PRDM10: variants seen among roughly 807,000 people sequenced by gnomAD.
PRDM10 encodes PR/SET domain 10.
A neutral mutation model predicts 133.1 loss-of-function variants in PRDM10; 65 were observed. The observed-to-expected ratio is 0.49, with a 90% CI of 0.40 to 0.60. The LOEUF is 0.60. Ranked by LOEUF, PRDM10 falls within the 20% of genes least tolerant of loss-of-function variation. The probability of loss-of-function intolerance (pLI) is 0.00; values close to 1 mark genes in which losing one functional copy is unlikely to be tolerated. For missense variants in PRDM10, 1,137 were observed against 1,507.1 expected, an observed-to-expected ratio of 0.75 and a Z score of 4.07; for synonymous variants, 582 against 580.4, an observed-to-expected ratio of 1.00 and a Z score of -0.04.
rs533784900 is a variant in PRDM10 at position 129,999,847 on chromosome 11, T to C, written c.-119+2875A>G. 6.2e-4 allele frequency among the ~76,000 whole-genome samples: 94 copies of C among 152,300 alleles called. 1 individual carries two copies. Among genetic ancestry groups the C allele is most frequent in the African/African-American group, 2.2e-3 (93 of 41,580 alleles). ...TGCCCCCTTCAAATAATGGAAGTAA[T>C]GAAAGTGCCCAATCATCAGCAAAGT... is the stretch of plus-strand genomic sequence containing the variant. On this transcript the variant is annotated intron_variant, in intron 1 of 20. Coordinates refer to ENST00000360871, the MANE Select transcript of PRDM10 (RefSeq NM_199437.2).
At chr11:129,911,028 G>A (rs557684772) in intron 18 of PRDM10, among the ~76,000 whole-genome samples, 2 of 152,232 alleles carry the variant, frequency 1.3e-5, no homozygotes, top group Admixed American at 6.5e-5. Flanking sequence ...CACCCGCCTC[G>A]GCCTCCCAAA....
chr11:129,998,041 T>C (rs1939152117), intron 1 of PRDM10, among the ~76,000 whole-genome samples: 1 of 152,152 alleles, frequency 6.6e-6, no homozygotes, highest in African/African-American at 2.4e-5. Flanking sequence ...CATACATAAT[T>C]TAAAATGTTC....
At chr11:129,912,319 T>A (rs1172699480) in intron 17 of PRDM10, 94 bp from the exon 18 acceptor site, 1 of 1,310,870 alleles carries the variant, frequency 7.6e-7, no homozygotes, top group Non-Finnish European at 1.0e-6. Flanking sequence ...AAAAACAATA[T>A]CCTGGCCGGG....
intron 1 of PRDM10, among the ~76,000 whole-genome samples, chr11:129,971,928 G>A (rs1952036829): frequency 6.6e-6 from 1 of 152,224 alleles, no homozygotes; most frequent in Non-Finnish European, 1.5e-5. Context: ...AACCCACGGA[G>A]GGGGTGGGAG....
rs1350193829 is a variant in PRDM10 at position 129,923,911 on chromosome 11, A to G, written c.1879-508T>C. 6.6e-6 allele frequency among the ~76,000 whole-genome samples: 1 copy of G among 152,254 alleles called. No homozygotes were observed. Among genetic ancestry groups the G allele is most frequent in the Non-Finnish European group, 1.5e-5 (1 of 68,048 alleles). ...TTATAAAATTAAGTTCTGAAGAATTAAAGACATGAATGAGTGGATACAGAA... is the reference window on the plus strand; with the variant it reads ...TTATAAAATTAAGTTCTGAAGAATTGAAGACATGAATGAGTGGATACAGAA... On this transcript the variant is annotated intron_variant, in intron 12 of 20. Coordinates refer to ENST00000360871, the MANE Select transcript of PRDM10 (RefSeq NM_199437.2). The surrounding 1 kb of genome is among the most constrained non-coding windows in gnomAD (Gnocchi z 4.4).
At position 129,914,761 on chromosome 11, in the gene PRDM10, C is replaced by T. The variant is rs75558641; in HGVS notation, c.2784G>A (p.Ser928=). The change falls in exon 17 of 21, where the codon TCG becomes TCA. Residue 928 remains serine, a synonymous_variant. Transcript: ENST00000360871. ...GCTGAGGCTGCTGGAGGCCAGACGC[C>T]GACTGCGACACAGGGATGTACTGAA... ...QRIQYIPVSQ[S]ASGLQQPQHI... 1.7e-3 allele frequency: 2,744 copies of T among 1,614,220 alleles called. 75 individuals are homozygous for T. In the East Asian group the frequency reaches 0.048, roughly 28 times the overall value.
intron 1 of PRDM10, among the ~76,000 whole-genome samples, chr11:129,981,207 A>G (rs778043682): frequency 5.3e-5 from 8 of 152,148 alleles, no homozygotes; most frequent in Non-Finnish European, 1.0e-4. Context: ...AAATGTGTCA[A>G]AATTGTTTGT....
At position 129,957,906 on chromosome 11, in the gene PRDM10, T is replaced by C; in HGVS notation, c.74A>G (p.His25Arg). 1.2e-6 allele frequency: 2 copies of C among 1,610,788 alleles called. No individual in the cohort carries two copies. Among genetic ancestry groups the C allele is most frequent in the Non-Finnish European group, 1.7e-6 (2 of 1,178,118 alleles). The stretch of plus-strand genomic sequence containing the variant: ...CACTGTTCCTGTGTCCGGAACAAAG[T>C]GCACCTGGCATAAACAGGAGACAAA... ...AEHEQNAAQV[H>R]FVPDTGTVAQ... Residue 25 changes from histidine (H) to arginine (R), a missense_variant, in exon 3 of 21, where the codon CAC becomes CGC. His to Arg is a conservative substitution (Grantham distance 29, BLOSUM62 0). Coordinates refer to ENST00000360871, the MANE Select transcript of PRDM10 (RefSeq NM_199437.2).
At chr11:129,957,061 G>A (rs917088443) in intron 3 of PRDM10, among the ~76,000 whole-genome samples, 2 of 152,182 alleles carry the variant, frequency 1.3e-5, no homozygotes, top group Non-Finnish European at 2.9e-5. Flanking sequence ...GTACAGCCTT[G>A]CAAATCAGTA....
At chr11:129,986,011 G>A (rs1938421977) in intron 1 of PRDM10, among the ~76,000 whole-genome samples, 1 of 151,716 alleles carries the variant, frequency 6.6e-6, no homozygotes, top group African/African-American at 2.4e-5. Context: ...CAGAGGTGTT[G>A]GGCTCGTGGT....
intron 8 of PRDM10, among the ~76,000 whole-genome samples, chr11:129,936,495 T>A (rs920008995): frequency 2.0e-5 from 3 of 151,628 alleles, no homozygotes; most frequent in Non-Finnish European, 4.4e-5. Flanking sequence ...CTACCAAAAA[T>A]ACAAAAAATT....
At chr11:129,930,610 A>C (rs188246062) in intron 11 of PRDM10, among the ~76,000 whole-genome samples, 63 of 152,370 alleles carry the variant, frequency 4.1e-4, no homozygotes, top group African/African-American at 1.5e-3. Flanking sequence ...GGGAAGCTGT[A>C]GATAAGCACA....
intron 20 of PRDM10, among the ~76,000 whole-genome samples, chr11:129,903,542 C>A (rs1322109836): frequency 6.6e-6 from 1 of 152,090 alleles, no homozygotes; most frequent in Non-Finnish European, 1.5e-5. Flanking sequence ...GTCTTCGTGA[C>A]GTTCAGCCTG....
chr11:129,932,977 G>A (rs1048609809), intron 9 of PRDM10, among the ~76,000 whole-genome samples: 1 of 152,026 alleles, frequency 6.6e-6, no homozygotes, highest in African/African-American at 2.4e-5. Context: ...CGTGTTGCCT[G>A]GGCTGGTCTG....
At chr11:129,959,046 G>A (rs1487653946) in intron 2 of PRDM10, among the ~76,000 whole-genome samples, 6 of 152,190 alleles carry the variant, frequency 3.9e-5, no homozygotes, top group South Asian at 2.1e-4. Context: ...TGTTGCTATC[G>A]AAGTCACGCA....
chr11:129,931,228 A>G lies in PRDM10; in HGVS notation c.1318T>C (p.Phe440Leu), dbSNP rs1950847217. Residue 440 changes from phenylalanine to leucine, a missense_variant, in exon 11 of 21, where the codon TTT becomes CTT. Phe to Leu is a conservative substitution (Grantham distance 22). Coordinates refer to ENST00000360871, the MANE Select transcript of PRDM10 (RefSeq NM_199437.2). Reference sequence around the variant, plus strand: ...AGAGTGGCTGGTTCAGCCTCATCAAATTGCTCCTTTGTGGGAAAATGTAGC... The same window carrying G: ...AGAGTGGCTGGTTCAGCCTCATCAAGTTGCTCCTTTGTGGGAAAATGTAGC... Reference protein sequence around the residue: ...DLLHFPTKEQFDEAEPATLNG... With the variant: ...DLLHFPTKEQLDEAEPATLNG... 1 of 1,613,982 alleles carries G rather than the reference A, an allele frequency of 6.2e-7. No individual in the cohort carries two copies. The highest frequency in any genetic ancestry group is 8.5e-7 in the Non-Finnish European group (1 of 1,179,938).
At chr11:129,961,766 C>G (rs966870050) in intron 1 of PRDM10, among the ~76,000 whole-genome samples, 1 of 151,968 alleles carries the variant, frequency 6.6e-6, no homozygotes, top group Non-Finnish European at 1.5e-5. Context: ...TCTAAACACT[C>G]ACTGGGGGTG....
At chr11:129,956,310 G>A (rs755831305) in intron 3 of PRDM10, among the ~76,000 whole-genome samples, 1 of 152,216 alleles carries the variant, frequency 6.6e-6, no homozygotes, top group African/African-American at 2.4e-5. Context: ...ACTCACGCCT[G>A]TAATCCCAGC....
intron 11 of PRDM10, among the ~76,000 whole-genome samples, chr11:129,928,924 T>C (rs972064277): frequency 6.6e-6 from 1 of 152,174 alleles, no homozygotes; most frequent in African/African-American, 2.4e-5. Flanking sequence ...TCCTCCTCTC[T>C]TTCAAGGGCT....
Sources: allele counts gnomAD v4.1 joint callset (sites outside exome capture counted in the v4.1 genomes callset), GRCh38; gene constraint gnomAD v4.1.1; non-coding constraint Gnocchi (gnomAD v3.1); transcripts MANE v1.5; gene names NCBI Gene and HGNC (gene_info 2026-07-23, HGNC 2026-07-21).